Variants in NAV3 observed in about 807,000 individuals in gnomAD.
NAV3 encodes pore membrane and/or filament interacting like protein 1.
NAV3 carries 87 observed loss-of-function variants against 244.7 expected under a neutral mutation model. The observed-to-expected ratio is 0.36, with a 90% CI of 0.30 to 0.42. The LOEUF (loss-of-function observed/expected upper bound fraction) is 0.42. NAV3 is among the 20% of genes least tolerant of loss of function. NAV3 has a pLI of 1.00. For synonymous variants in NAV3, 1,126 were observed against 1,042.2 expected (o/e 1.08, Z -1.55); for missense variants, 2,663 against 2,893.3 (o/e 0.92, Z 1.83).
intron 2 of NAV3, among the ~76,000 whole-genome samples, chr12:77,822,804 T>C: frequency 6.6e-6 from 1 of 152,190 alleles, no homozygotes; most frequent in South Asian, 2.1e-4. Flanking sequence ...TAAGGGAAGT[T>C]CTTACCTGGA....
chr12:77,585,684 T>C (rs1014459091), intron 2 of NAV3, among the ~76,000 whole-genome samples: 2 of 152,170 alleles, frequency 1.3e-5, no homozygotes, highest in Non-Finnish European at 2.9e-5. Flanking sequence ...TGGCTGATCC[T>C]ACAGGAGGTG....
At chr12:77,891,049 A>G (rs1267389274) in intron 1 of NAV3, among the ~76,000 whole-genome samples, 1 of 152,094 alleles carries the variant, frequency 6.6e-6, no homozygotes, top group Non-Finnish European at 1.5e-5. Context: ...TTTCATAAAT[A>G]GGACTCCCTG....
chr12:77,913,398 G>A (rs1258338080), intron 1 of NAV3, among the ~76,000 whole-genome samples: 1 of 151,856 alleles, frequency 6.6e-6, no homozygotes, highest in Non-Finnish European at 1.5e-5. Context: ...AGTCATCATA[G>A]CTAACATTTA....
chr12:77,933,550 G>T (rs1245280910), intron 1 of NAV3, among the ~76,000 whole-genome samples: 3 of 152,068 alleles, frequency 2.0e-5, no homozygotes, highest in Non-Finnish European at 4.4e-5. Context: ...TGAGATTTTT[G>T]AAAAACTTCA....
intron 1 of NAV3, among the ~76,000 whole-genome samples, chr12:77,857,641 CTTTAG>C (rs1161879479): frequency 6.6e-6 from 1 of 151,524 alleles, no homozygotes; most frequent in East Asian, 1.9e-4. Context: ...TATGACATTA[CTTTAG>C]TGTGAAAAAA....
chr12:77,736,036 T>G (rs1258810853), intron 2 of NAV3, among the ~76,000 whole-genome samples: 3 of 152,216 alleles, frequency 2.0e-5, no homozygotes, highest in African/African-American at 7.2e-5. Context: ...TGTCTTTCAG[T>G]GTATCTTTAC....
At chr12:77,888,514 G>T (rs1055550422) in intron 1 of NAV3, among the ~76,000 whole-genome samples, 3 of 152,162 alleles carry the variant, frequency 2.0e-5, no homozygotes, top group African/African-American at 7.2e-5. Context: ...AATTTCTGCA[G>T]TGAGCTTAAT....
rs138097999 is a variant in NAV3, at chr12:78,038,265, A to G, written c.2024-11728A>G. 2.6e-4 allele frequency among the ~76,000 whole-genome samples: 39 copies of G among 152,336 alleles called. No individual in the cohort carries two copies. The East Asian group carries it at 4.6e-3, about 18-fold the overall frequency. On this transcript the variant is annotated intron_variant, in intron 9 of 39. Coordinates refer to ENST00000397909, the MANE Select transcript of NAV3 (RefSeq NM_001024383.2). ...TTTACATCACACAGTCCCTTCTTCC[A>G]TAAGTATTAAATTCCTGGCCATATC...
At chr12:77,714,454 T>G (rs1360121443) in intron 2 of NAV3, among the ~76,000 whole-genome samples, 1 of 152,120 alleles carries the variant, frequency 6.6e-6, no homozygotes, top group Non-Finnish European at 1.5e-5. Context: ...TATCCAACTT[T>G]GTGTCCTACA....
intron 1 of NAV3, among the ~76,000 whole-genome samples, chr12:77,879,523 A>C (rs1477827617): frequency 2.6e-5 from 4 of 151,848 alleles, no homozygotes; most frequent in East Asian, 2.0e-4. Context: ...AAAAATATAA[A>C]AATTAGCTGG....
rs2139850461 is a variant in NAV3 at position 78,188,628 on chromosome 12, A to G, written c.5906A>G (p.Asp1969Gly). The change falls in exon 33 of 40, where the codon GAT becomes GGT. Residue 1969 changes from aspartate to glycine, a missense_variant. Asp to Gly is a moderately conservative substitution (Grantham distance 94). Around this residue, in one of 6 missense-constraint regions of NAV3, gnomAD observed 543 missense variants for 672.4 expected, o/e 0.81. Transcript: ENST00000397909. ...RLFKEYVFRI[D>G]TSTSLGLSSD... is the part of the protein sequence containing the mutation. ...TTGTAGGAATATGTATTCCGAATTG[A>G]TACATCCACTAGCCTTGGTCTGAGC... The G allele has an allele frequency of 2.5e-6, 4 of 1,611,172 alleles. No homozygotes were observed. The highest frequency in any genetic ancestry group is 3.4e-6 in the Non-Finnish European group (4 of 1,178,562).
chr12:77,686,386 C>T (rs956424210), intron 2 of NAV3, among the ~76,000 whole-genome samples: 2 of 151,150 alleles, frequency 1.3e-5, no homozygotes, highest in Non-Finnish European at 2.9e-5. Context: ...AGCCACCGTG[C>T]CCCACCGGAT....
At chr12:77,716,906 G>A (rs1480884876) in intron 2 of NAV3, among the ~76,000 whole-genome samples, 3 of 152,046 alleles carry the variant, frequency 2.0e-5, no homozygotes, top group Non-Finnish European at 1.5e-5. Context: ...AGCTTCTGTT[G>A]AGAGCAGAAA....
At chr12:77,988,490 T>C (rs942797443) in intron 5 of NAV3, among the ~76,000 whole-genome samples, 6 of 152,192 alleles carry the variant, frequency 3.9e-5, no homozygotes, top group Admixed American at 2.6e-4. Context: ...TGACTGTGTA[T>C]AGTTTTCTCT....
intron 3 of NAV3, among the ~76,000 whole-genome samples, chr12:77,959,289 T>A (rs1315264298): frequency 6.6e-6 from 1 of 152,060 alleles, no homozygotes; most frequent in Admixed American, 6.6e-5. Flanking sequence ...GTTTAAAAGA[T>A]CCTCGGTTAA....
chr12:78,037,127 C>A (rs1465101987), intron 9 of NAV3: 1 of 702,916 alleles, frequency 1.4e-6, no homozygotes, highest in African/African-American at 1.7e-5. Flanking sequence ...CAGCCTGGAA[C>A]CTCCTGCCTG....
Position 78,130,732 on chromosome 12 carries a change from A to G in NAV3, c.4441+1866A>G, listed in dbSNP as rs570792291. 1.6e-3 allele frequency: 248 copies of G among 152,872 alleles called. 1 individual carries two copies. The highest frequency in any genetic ancestry group is 0.014 in the Middle Eastern group (4 of 294). 9.5% of individuals were successfully genotyped at this position (152,872 alleles called of 1,614,324 possible). On this transcript the variant is annotated intron_variant, in intron 18 of 39. Coordinates refer to ENST00000397909, the MANE Select transcript of NAV3 (RefSeq NM_001024383.2). ...ATCCAACTTGGGTTGCAGGGAGGAC[A>G]GATCTGCAGCCCCTCTTGCCAGAGA...
chr12:77,968,830 G>T, intron 5 of NAV3, 128 bp downstream of exon 5: 1 of 905,440 alleles, frequency 1.1e-6, no homozygotes, highest in Non-Finnish European at 1.7e-6. Flanking sequence ...GGGATTATTT[G>T]ACTTGTGTAA....
chr12:77,975,444 G>A (rs1210416728), intron 5 of NAV3, among the ~76,000 whole-genome samples: 4 of 152,176 alleles, frequency 2.6e-5, no homozygotes, highest in Non-Finnish European at 5.9e-5. Context: ...GCTGATGACG[G>A]AGAAAAATAA....
Sources: gnomAD v4.1 joint callset for allele counts (sites outside exome capture counted in the v4.1 genomes callset) on GRCh38, gnomAD v4.1.1 for gene constraint, gnomAD v4.1.1 regional missense constraint, MANE v1.5 for transcripts, NCBI Gene and HGNC (gene_info 2026-07-23, HGNC 2026-07-21) for gene names.